Variants in CPPED1 observed in about 807,000 individuals in gnomAD.
The protein encoded by CPPED1 is serine/threonine-protein phosphatase CPPED1.
Under a neutral mutation model 28.0 loss-of-function variants are expected in CPPED1, and 28 were observed. The ratio of observed to expected loss-of-function variants is 1.00; its 90% CI spans 0.74 to 1.37. CPPED1 has a LOEUF of 1.37. Ranked by LOEUF, CPPED1 falls within the 40% of genes most tolerant of loss-of-function variation. The pLI is 0.00. For synonymous variants in CPPED1, 198 were observed against 180.2 expected (o/e 1.10, Z -0.79); for missense variants, 504 against 416.5 (o/e 1.21, Z -1.83).
chr16:12,803,806 A>T lies in CPPED1; in HGVS notation c.-30T>A. 8 of 1,587,312 alleles carry T rather than the reference A, an allele frequency of 5.0e-6. No homozygotes were observed. The highest frequency in any genetic ancestry group is 6.9e-6 in the Non-Finnish European group (8 of 1,167,812). On this transcript the variant is annotated 5_prime_UTR_variant, in exon 1 of 4. Transcript: ENST00000381774. The stretch of plus-strand genomic sequence containing the variant: ...AGCGAGTTTCTGGCCTTCACTTAGA[A>T]CACTGCGTGGGTGGAAGCCGCGCGA...
chr16:12,688,032 A>AT lies in CPPED1; in HGVS notation c.715+16591dup, dbSNP rs555581530. Among the ~76,000 whole-genome samples the AT allele has an allele frequency of 3.2e-3, 465 of 143,928 alleles. 4 individuals are homozygous for AT. The highest frequency in any genetic ancestry group is 6.7e-3 in the East Asian group (33 of 4,890). The allele number at this position is 143,928 out of a possible 152,430, so 94.4% of individuals were successfully genotyped here. ...CAGCAGGTGCCACGCAACTCACACT[A>AT]TTTTTTTTTTTTTTTGAGACAGGGT... On this transcript the variant is annotated intron_variant, in intron 3 of 3. Transcript: ENST00000381774.
chr16:12,776,654 C>T (rs962697487), intron 2 of CPPED1, among the ~76,000 whole-genome samples: 1 of 152,172 alleles, frequency 6.6e-6, no homozygotes, highest in Non-Finnish European at 1.5e-5. Flanking sequence ...GGCGTGGTGG[C>T]TCACGCCTGT....
chr16:12,754,576 T>A (rs1183264988), intron 2 of CPPED1, among the ~76,000 whole-genome samples: 1 of 152,186 alleles, frequency 6.6e-6, no homozygotes, highest in African/African-American at 2.4e-5. Context: ...CCCTCTAAGG[T>A]CCTCCTGCAT....
At chr16:12,701,097 C>T (rs977442856) in intron 3 of CPPED1, among the ~76,000 whole-genome samples, 11 of 151,600 alleles carry the variant, frequency 7.3e-5, no homozygotes, top group African/African-American at 1.5e-4. Flanking sequence ...GGCATCGTGG[C>T]ACTCCCCTGT....
intron 3 of CPPED1, among the ~76,000 whole-genome samples, chr16:12,680,703 G>A (rs1026189488): frequency 6.6e-6 from 1 of 152,108 alleles, no homozygotes; most frequent in Non-Finnish European, 1.5e-5. Context: ...CTCAGGTTAC[G>A]GAGTGCCTAA....
intron 2 of CPPED1, among the ~76,000 whole-genome samples, chr16:12,740,074 G>A: frequency 6.7e-6 from 1 of 149,906 alleles, no homozygotes; most frequent in East Asian, 1.9e-4. Flanking sequence ...AAGAAAAAAA[G>A]AAAGGAAAGA....
intron 3 of CPPED1, among the ~76,000 whole-genome samples, chr16:12,694,858 A>T (rs1385607451): frequency 6.6e-6 from 1 of 151,450 alleles, no homozygotes; most frequent in African/African-American, 2.4e-5. Flanking sequence ...GTTCACTGCA[A>T]CCTCCGCCTC....
At chr16:12,677,401 G>C (rs1246407788) in intron 3 of CPPED1, among the ~76,000 whole-genome samples, 1 of 152,262 alleles carries the variant, frequency 6.6e-6, no homozygotes, top group Non-Finnish European at 1.5e-5. Flanking sequence ...CACTTTGGGA[G>C]GCCGAGGCGT....
Position 12,662,365 on chromosome 16 carries a change from AAT to A in CPPED1, c.*2519_*2520del, listed in dbSNP as rs1351539473. ...CTTACTTAAAAAGTGGTGAGAAATT[AAT>A]ATGATTCTCTCTTCCCTTTTAAAAA... is the stretch of plus-strand genomic sequence containing the variant. On this transcript the variant is annotated 3_prime_UTR_variant, in exon 4 of 4. Coordinates refer to ENST00000381774, the MANE Select transcript of CPPED1 (RefSeq NM_018340.3). The A allele has an allele frequency of 1.3e-5, 2 of 152,198 alleles. No homozygotes were observed. Among genetic ancestry groups the A allele is most frequent in the Admixed American group, 6.5e-5 (1 of 15,280 alleles). The allele number at this position is 152,198 out of a possible 1,614,324, so 9.4% of individuals were successfully genotyped here.
intron 3 of CPPED1, among the ~76,000 whole-genome samples, chr16:12,701,642 G>C (rs958350578): frequency 6.6e-6 from 1 of 152,192 alleles, no homozygotes; most frequent in African/African-American, 2.4e-5. Flanking sequence ...GAAGAGCTGG[G>C]CCGGACCTGG....
intron 2 of CPPED1, among the ~76,000 whole-genome samples, chr16:12,724,374 G>A (rs569019000): frequency 2.0e-5 from 3 of 152,200 alleles, no homozygotes; most frequent in Admixed American, 1.3e-4. Flanking sequence ...CCTTCTCCCG[G>A]GGCTACAGCT....
At chr16:12,729,872 T>G (rs1247740063) in intron 2 of CPPED1, among the ~76,000 whole-genome samples, 1 of 152,196 alleles carries the variant, frequency 6.6e-6, no homozygotes, top group African/African-American at 2.4e-5. Flanking sequence ...TTATTATTGC[T>G]TCTTTTGAGA....
Position 12,664,870 on chromosome 16 carries a change from G to T in CPPED1, c.*16C>A, listed in dbSNP as rs562441710. The T allele has an allele frequency of 1.3e-5, 21 of 1,608,466 alleles. No homozygotes were observed. In the African/African-American group the frequency reaches 2.6e-4, roughly 20 times the overall value. On this transcript the variant is annotated 3_prime_UTR_variant, in exon 4 of 4. Coordinates refer to ENST00000381774, the MANE Select transcript of CPPED1 (RefSeq NM_018340.3). The surrounding 1 kb of genome is among the most constrained non-coding windows in gnomAD (Gnocchi z 4.2). ...AAATAGTGCAAGTGAAAAGTGAACG[G>T]GAACGGGAAGGAGCGTCATTTTTTC...
chr16:12,777,408 G>A (rs1443729953), intron 2 of CPPED1, among the ~76,000 whole-genome samples: 3 of 152,158 alleles, frequency 2.0e-5, no homozygotes, highest in Non-Finnish European at 4.4e-5. Context: ...CCAGTGGGTC[G>A]ATACCTCAGC....
Position 12,762,877 on chromosome 16 carries a change from G to A in CPPED1, c.289+18308C>T, listed in dbSNP as rs146646277. On this transcript the variant is annotated intron_variant, in intron 2 of 3. Transcript: ENST00000381774. ...TCCCACCTCAGCCTCCCAAGTGGCTGGGACTACAGGTACACACCACCACAC... is the reference window on the plus strand; with the variant it reads ...TCCCACCTCAGCCTCCCAAGTGGCTAGGACTACAGGTACACACCACCACAC... Among the ~76,000 whole-genome samples, 995 of 151,966 alleles carry A rather than the reference G, an allele frequency of 6.5e-3. 10 individuals are homozygous for A. The highest frequency in any genetic ancestry group is 0.022 in the African/African-American group (921 of 41,430).
At chr16:12,800,230 G>C (rs960234819) in intron 1 of CPPED1, among the ~76,000 whole-genome samples, 1 of 152,158 alleles carries the variant, frequency 6.6e-6, no homozygotes, top group Non-Finnish European at 1.5e-5. Flanking sequence ...CCTGAGGTCA[G>C]GAGTCCCAGA....
At chr16:12,777,898 A>G (rs944140324) in intron 2 of CPPED1, among the ~76,000 whole-genome samples, 5 of 124,136 alleles carry the variant, frequency 4.0e-5, no homozygotes, top group Non-Finnish European at 9.0e-5. Context: ...CTTTTTTTCT[A>G]TTTTCTTTTT....
intron 3 of CPPED1, among the ~76,000 whole-genome samples, chr16:12,673,075 G>T (rs944502811): frequency 6.6e-6 from 1 of 152,086 alleles, no homozygotes. Flanking sequence ...ACATGAACAG[G>T]GCAGGGTGGC....
chr16:12,697,568 C>T (rs774259551), intron 3 of CPPED1, among the ~76,000 whole-genome samples: 6 of 152,168 alleles, frequency 3.9e-5, no homozygotes, highest in Non-Finnish European at 5.9e-5. Flanking sequence ...AGAGCAAGAG[C>T]GTCACCCTGT....
Sources: gnomAD v4.1 joint callset for allele counts (sites outside exome capture counted in the v4.1 genomes callset) on GRCh38, gnomAD v4.1.1 for gene constraint, Gnocchi (gnomAD v3.1) non-coding constraint, MANE v1.5 for transcripts, NCBI Gene and HGNC (gene_info 2026-07-23, HGNC 2026-07-21) for gene names.